CRISP1: variants seen among roughly 807,000 people sequenced by gnomAD.
The protein encoded by CRISP1 is cysteine-rich secretory protein 1.
A neutral mutation model predicts 33.1 loss-of-function variants in CRISP1; 44 were observed. The ratio of observed to expected loss-of-function variants is 1.33; its 90% CI spans 1.05 to 1.71. CRISP1 has a LOEUF of 1.71. Among genes scored for constraint, CRISP1 ranks in the 40% most tolerant of loss-of-function variants. CRISP1 has a pLI of 0.00. For missense variants in CRISP1, 390 were observed against 301.2 expected, an observed-to-expected ratio of 1.29 and a Z score of -2.18; for synonymous variants, 103 against 98.7, an observed-to-expected ratio of 1.04 and a Z score of -0.26.
chr6:49,851,925 GCATAGAA>G, intron 3 of CRISP1, 69 bp downstream of exon 3: 1 of 1,490,084 alleles, frequency 6.7e-7, no homozygotes, highest in Non-Finnish European at 9.0e-7. Context: ...CTTTGAAAGT[GCATAGAA>G]CTTAATAAAA....
chr6:49,871,052 G>A (rs373173224), upstream of CRISP1, among the ~76,000 whole-genome samples: 1 of 151,506 alleles, frequency 6.6e-6, no homozygotes, highest in South Asian at 2.1e-4. Context: ...AGTGAGCTGA[G>A]AGATCGCGCC....
intron 7 of CRISP1, 119 bp downstream of exon 7, chr6:49,838,318 T>A: frequency 1.4e-6 from 1 of 738,610 alleles, no homozygotes; most frequent in South Asian, 1.8e-5. Flanking sequence ...AAATAATTTG[T>A]ACATGAATGA....
At chr6:49,875,160 C>T (rs1295559965) in intron 1 of CRISP1, among the ~76,000 whole-genome samples, 2 of 151,910 alleles carry the variant, frequency 1.3e-5, no homozygotes, top group African/African-American at 4.8e-5. Context: ...TAGAAAACTC[C>T]ATTGTCTCAT....
Position 49,838,439 on chromosome 6 carries a change from C to T in CRISP1, c.620G>A (p.Cys207Tyr), listed in dbSNP as rs757980653. 29 of 1,607,798 alleles carry T rather than the reference C, an allele frequency of 1.8e-5. No homozygotes were observed. The highest frequency in any genetic ancestry group is 1.1e-5 in the South Asian group (1 of 90,418). ...AAACAGAATGCAAACAAACTTACTG[C>T]AAAGTTTGTCTTCACAGTTACTTGG... ...ACPSNCEDKL[C>Y]TNPCIYYDEY... The change falls in exon 7 of 8, where the codon TGC becomes TAC. Residue 207 changes from cysteine to tyrosine, a missense_variant and splice_region_variant. Cys to Tyr is a radical substitution (Grantham distance 194, BLOSUM62 -2). Transcript: ENST00000335847.
chr6:49,847,694 GT>G (rs11317901), intron 4 of CRISP1, among the ~76,000 whole-genome samples: 83,283 of 151,530 alleles, frequency 0.55, 23,534 homozygotes, highest in East Asian at 0.92. Flanking sequence ...AAGCAATAAT[GT>G]TTTTTTTTAT....
At chr6:49,857,274 T>TA in intron 2 of CRISP1, 61 bp downstream of exon 2, 2 of 1,513,896 alleles carry the variant, frequency 1.3e-6, no homozygotes, top group Non-Finnish European at 1.8e-6. Flanking sequence ...TGAATTGTAT[T>TA]AAAGTGTTAG....
chr6:49,854,543 A>G (rs1157578174), intron 2 of CRISP1, among the ~76,000 whole-genome samples: 1 of 152,016 alleles, frequency 6.6e-6, no homozygotes, highest in Non-Finnish European at 1.5e-5. Context: ...CATGCTGCTT[A>G]TTTCTTAAAA....
At chr6:49,854,364 A>G (rs955373365) in intron 2 of CRISP1, among the ~76,000 whole-genome samples, 5 of 152,104 alleles carry the variant, frequency 3.3e-5, no homozygotes, top group African/African-American at 7.2e-5. Context: ...ATTTATGATT[A>G]TGCAGCTTAT....
chr6:49,875,810 T>C (rs766422527), intron 1 of CRISP1, among the ~76,000 whole-genome samples: 4 of 151,866 alleles, frequency 2.6e-5, no homozygotes, highest in East Asian at 1.9e-4. Context: ...GTATTTCTAT[T>C]GAATAAATGG....
rs575961448 is a variant in CRISP1, at chr6:49,872,217, C to G, written c.-3+4792G>C. Among the ~76,000 whole-genome samples, 6 of 152,208 alleles carry G rather than the reference C, an allele frequency of 3.9e-5. No individual in the cohort carries two copies. The East Asian group carries it at 1.2e-3, about 29-fold the overall frequency. On this transcript the variant is annotated intron_variant, in intron 1 of 7. Coordinates refer to the CRISP1 transcript ENST00000505118. Reference sequence around the variant, plus strand: ...TGTCTTCTTTTGAGAAGTGTCTGTTCATATCCTTTGCCCACTTTTTGATGG... The same window carrying G: ...TGTCTTCTTTTGAGAAGTGTCTGTTGATATCCTTTGCCCACTTTTTGATGG...
intron 5 of CRISP1, among the ~76,000 whole-genome samples, chr6:49,845,718 A>AT (rs57252351): frequency 2.6e-5 from 4 of 151,388 alleles, no homozygotes; most frequent in African/African-American, 4.8e-5. Context: ...AAAAAAAAAA[A>AT]TGGAAACAAC....
At chr6:49,836,637 C>A (rs1254297317) in intron 7 of CRISP1, among the ~76,000 whole-genome samples, 1 of 152,124 alleles carries the variant, frequency 6.6e-6, no homozygotes, top group Non-Finnish European at 1.5e-5. Context: ...CCGCGCCCGG[C>A]CTACAAATTT....
rs1770960366 is a variant in CRISP1 at position 49,840,805 on chromosome 6, T to C, written c.533+93A>G. The C allele has an allele frequency of 2.0e-5, 18 of 911,320 alleles. 1 individual carries two copies. The South Asian group carries it at 2.7e-4, about 14-fold the overall frequency. The allele number at this position is 911,320 out of a possible 1,614,324, so 56.5% of individuals were successfully genotyped here. On this transcript the variant is annotated intron_variant, in intron 6 of 7. Transcript: ENST00000335847. ...TCTTGTCTATTATGAATAAAGTTGC[T>C]ACAAACATTTATGCACACAAAAAAA...
intron 7 of CRISP1, among the ~76,000 whole-genome samples, chr6:49,837,259 G>A (rs1473974642): frequency 1.3e-5 from 2 of 152,084 alleles, no homozygotes; most frequent in South Asian, 2.1e-4. Flanking sequence ...GTGAAGAAAG[G>A]GCTTATGATA....
In CRISP1 at chr6:49,848,286, T is replaced by C. The variant is rs1305848958; in HGVS notation, c.209A>G (p.Glu70Gly). ...AAAAATTCTGGCATTTTGTGCAGCCTCTTCACTCCAACTCTGTAGTGGAAA... is the reference window on the plus strand; with the variant it reads ...AAAAATTCTGGCATTTTGTGCAGCCCCTTCACTCCAACTCTGTAGTGGAAA... ...SNMLKMSWSEEAAQNARIFSK... is the reference protein window; with the variant it reads ...SNMLKMSWSEGAAQNARIFSK... Residue 70 changes from glutamate (E) to glycine (G), a missense_variant, in exon 4 of 8, where the codon GAG becomes GGG. Physicochemically the swap from Glu to Gly is moderately conservative, Grantham distance 98. Transcript: ENST00000335847. The C allele has an allele frequency of 6.2e-7, 1 of 1,603,084 alleles. No individual in the cohort carries two copies. The highest frequency in any genetic ancestry group is 8.5e-7 in the Non-Finnish European group (1 of 1,174,424).
At position 49,846,530 on chromosome 6, in the gene CRISP1, T is replaced by C; in HGVS notation, c.425A>G (p.His142Arg). The C allele has an allele frequency of 6.2e-7, 1 of 1,612,546 alleles. No homozygotes were observed. Among genetic ancestry groups the C allele is most frequent in the East Asian group, 2.2e-5 (1 of 44,806 alleles). ...TTTDDDITTD[H>R]YTQIVWATSY... ...CAGCACACAGGTTACCTGAGTGTAG[T>C]GGTCAGTAGTTATGTCATCATCCGT... The change falls in exon 5 of 8, where the codon CAC becomes CGC. Residue 142 changes from histidine (H) to arginine (R), a missense_variant. His to Arg is a conservative substitution (Grantham distance 29). Coordinates refer to ENST00000335847, the MANE Select transcript of CRISP1 (RefSeq NM_001131.3).
chr6:49,873,284 T>C (rs936610321), intron 1 of CRISP1, among the ~76,000 whole-genome samples: 15 of 152,230 alleles, frequency 9.9e-5, no homozygotes, highest in Non-Finnish European at 1.2e-4. Flanking sequence ...TTCCAAAATA[T>C]GTGTCTGGAA....
intron 4 of CRISP1, among the ~76,000 whole-genome samples, chr6:49,847,793 G>A (rs532659374): frequency 6.6e-6 from 1 of 152,198 alleles, no homozygotes; most frequent in South Asian, 2.1e-4. Flanking sequence ...CTTATGGGCA[G>A]CTGAGCAGGG....
chr6:49,854,860 T>TTA (rs1771451341), intron 2 of CRISP1, among the ~76,000 whole-genome samples: 2 of 152,146 alleles, frequency 1.3e-5, no homozygotes. Context: ...AGGGCAAGGA[T>TTA]GCTGCTGCTA....
Sources: gnomAD v4.1 joint callset for allele counts (sites outside exome capture counted in the v4.1 genomes callset) on GRCh38, gnomAD v4.1.1 for gene constraint, MANE v1.5 for transcripts, NCBI Gene and HGNC (gene_info 2026-07-23, HGNC 2026-07-21) for gene names.